Variants in WDR70 observed in about 807,000 individuals in gnomAD.
WDR70 encodes WD repeat domain 70, also known as WD repeat-containing protein 70.
Under a neutral mutation model 88.6 loss-of-function variants are expected in WDR70, and 53 were observed. The ratio of observed to expected loss-of-function variants is 0.60; its 90% CI spans 0.48 to 0.75. The LOEUF is 0.75. Among genes scored for constraint, WDR70 ranks in the 30% least tolerant of loss-of-function variants. The pLI is 0.00. For synonymous variants in WDR70, 280 were observed against 270.0 expected (o/e 1.04, Z -0.36); for missense variants, 610 against 823.2 (o/e 0.74, Z 3.17).
chr5:37,446,004 T>G (rs1445138965), intron 7 of WDR70, among the ~76,000 whole-genome samples: 1 of 152,202 alleles, frequency 6.6e-6, no homozygotes, highest in Non-Finnish European at 1.5e-5. Flanking sequence ...AAATTGTCCC[T>G]GTGTGCAGAT....
intron 10 of WDR70, among the ~76,000 whole-genome samples, chr5:37,651,681 T>A (rs1745412482): frequency 6.6e-6 from 1 of 152,204 alleles, no homozygotes; most frequent in Non-Finnish European, 1.5e-5. Flanking sequence ...CTCACTGTGG[T>A]TTTGATTTGC....
intron 10 of WDR70, among the ~76,000 whole-genome samples, chr5:37,654,742 C>T (rs929753489): frequency 2.0e-5 from 3 of 151,838 alleles, no homozygotes; most frequent in African/African-American, 7.3e-5. Flanking sequence ...GGTTTAAAGT[C>T]TGTTTTATCA....
chr5:37,487,623 A>ATTTTTTTTTTTTT (rs1303879846), intron 8 of WDR70, among the ~76,000 whole-genome samples: 4 of 18,566 alleles, frequency 2.2e-4, no homozygotes, highest in African/African-American at 4.3e-4. Flanking sequence ...ATATATATAT[A>ATTTTTTTTTTTTT]TGTATTTTTT....
intron 5 of WDR70, among the ~76,000 whole-genome samples, chr5:37,405,474 C>T (rs1018281349): frequency 6.6e-6 from 1 of 151,868 alleles, no homozygotes; most frequent in Non-Finnish European, 1.5e-5. Context: ...CTCAGCCTCC[C>T]GAGTAGCTGG....
intron 4 of WDR70, among the ~76,000 whole-genome samples, 200 bp downstream of exon 4, chr5:37,392,320 A>G (rs1748857697): frequency 6.6e-6 from 1 of 151,932 alleles, no homozygotes; most frequent in Non-Finnish European, 1.5e-5. Flanking sequence ...AGTAGCTGGC[A>G]TTACAGGCAT....
intron 5 of WDR70, among the ~76,000 whole-genome samples, chr5:37,427,914 A>G (rs1178680719): frequency 6.6e-6 from 1 of 152,124 alleles, no homozygotes; most frequent in Non-Finnish European, 1.5e-5. Flanking sequence ...GTTGCTAGGT[A>G]TGGCTCTGTG....
intron 8 of WDR70, among the ~76,000 whole-genome samples, chr5:37,512,200 T>C (rs79296222): frequency 0.015 from 2,327 of 152,214 alleles, 53 homozygotes; most frequent in African/African-American, 0.053. Context: ...TTTGTCTTTT[T>C]CTCTTCTCTT....
intron 9 of WDR70, among the ~76,000 whole-genome samples, chr5:37,533,346 AGCACTTTGGCCGAGATGG>A (rs1225972996): frequency 6.6e-6 from 1 of 152,192 alleles, no homozygotes; most frequent in East Asian, 1.9e-4. Flanking sequence ...CTGTAATCCC[AGCACTTTGGCCGAGATGG>A]GCGTATCACT....
chr5:37,680,010 C>T (rs1322349539), intron 10 of WDR70, among the ~76,000 whole-genome samples: 2 of 152,226 alleles, frequency 1.3e-5, no homozygotes, highest in East Asian at 1.9e-4. Context: ...TCCATTTTCA[C>T]CAACAATGTA....
At chr5:37,611,065 A>G (rs1744177946) in intron 10 of WDR70, among the ~76,000 whole-genome samples, 1 of 152,180 alleles carries the variant, frequency 6.6e-6, no homozygotes, top group African/African-American at 2.4e-5. Context: ...GGTGCCCTCA[A>G]GTTACTTAAA....
chr5:37,642,644 T>A (rs1264752411), intron 10 of WDR70, among the ~76,000 whole-genome samples: 2 of 152,292 alleles, frequency 1.3e-5, no homozygotes, highest in Admixed American at 1.3e-4. Context: ...TTTCTCCACA[T>A]CCTCACCAGC....
At chr5:37,662,746 T>C (rs1745736316) in intron 10 of WDR70, among the ~76,000 whole-genome samples, 1 of 152,224 alleles carries the variant, frequency 6.6e-6, no homozygotes, top group African/African-American at 2.4e-5. Flanking sequence ...TAAAAATAAA[T>C]GATCCTAAGT....
chr5:37,676,516 G>C (rs1410591972), intron 10 of WDR70, among the ~76,000 whole-genome samples: 5 of 151,940 alleles, frequency 3.3e-5, no homozygotes, highest in African/African-American at 9.7e-5. Flanking sequence ...CTTTGGTTCT[G>C]TTTATATGCT....
chr5:37,640,243 A>G (rs962619901), intron 10 of WDR70, among the ~76,000 whole-genome samples: 3 of 152,174 alleles, frequency 2.0e-5, no homozygotes, highest in Non-Finnish European at 4.4e-5. Flanking sequence ...ATTCTTTAAA[A>G]ATTCCTCAAA....
intron 9 of WDR70, among the ~76,000 whole-genome samples, chr5:37,536,371 C>T (rs556918603): frequency 6.6e-6 from 1 of 152,038 alleles, no homozygotes; most frequent in Non-Finnish European, 1.5e-5. Flanking sequence ...TGGCACATAA[C>T]ATTATTAAAA....
At chr5:37,448,340 A>G (rs1738565201) in intron 7 of WDR70, among the ~76,000 whole-genome samples, 1 of 152,136 alleles carries the variant, frequency 6.6e-6, no homozygotes, top group African/African-American at 2.4e-5. Flanking sequence ...TGGAATCAGT[A>G]CTTCCCCGAG....
intron 17 of WDR70, among the ~76,000 whole-genome samples, chr5:37,751,020 A>G (rs1748791757): frequency 6.6e-6 from 1 of 152,214 alleles, no homozygotes; most frequent in African/African-American, 2.4e-5. Flanking sequence ...AACATTGATG[A>G]GCTGGTGTCC....
chr5:37,679,227 C>T (rs1256801526), intron 10 of WDR70, among the ~76,000 whole-genome samples: 1 of 152,222 alleles, frequency 6.6e-6, no homozygotes, highest in African/African-American at 2.4e-5. Context: ...CTTCTTCTCT[C>T]AACTCGTCAG....
At chr5:37,635,998 A>T (rs956610734) in intron 10 of WDR70, among the ~76,000 whole-genome samples, 1 of 152,144 alleles carries the variant, frequency 6.6e-6, no homozygotes, top group African/African-American at 2.4e-5. Context: ...TCCTTCTGCC[A>T]TGATTGTAAA....
Sources: allele counts gnomAD v4.1 joint callset (sites outside exome capture counted in the v4.1 genomes callset), GRCh38; gene constraint gnomAD v4.1.1; transcripts MANE v1.5; gene names NCBI Gene and HGNC (gene_info 2026-07-23, HGNC 2026-07-21).